Variants in PHF14 observed in about 807,000 individuals in gnomAD.
The protein encoded by PHF14 is PHD finger protein 14.
A neutral mutation model predicts 117.9 loss-of-function variants in PHF14; 55 were observed. The ratio of observed to expected loss-of-function variants is 0.47; its 90% CI spans 0.38 to 0.58. PHF14 has a LOEUF of 0.58. Ranked by LOEUF, PHF14 falls within the 20% of genes least tolerant of loss-of-function variation. PHF14 has a pLI of 0.00. For synonymous variants in PHF14, 409 were observed against 368.6 expected (o/e 1.11, Z -1.26); for missense variants, 978 against 1,122.2 (o/e 0.87, Z 1.84).
intron 17 of PHF14, among the ~76,000 whole-genome samples, chr7:11,116,221 C>A (rs1044628308): frequency 1.3e-5 from 2 of 151,968 alleles, no homozygotes; most frequent in African/African-American, 4.8e-5. Context: ...CAGGTACTTT[C>A]TTGCCGAAGG....
intron 10 of PHF14, among the ~76,000 whole-genome samples, chr7:11,037,649 G>T (rs1784357102): frequency 6.6e-6 from 1 of 152,062 alleles, no homozygotes; most frequent in Non-Finnish European, 1.5e-5. Context: ...AATGAGAAAA[G>T]ATTCAAAAAG....
At chr7:11,002,658 G>T (rs544922142) in intron 4 of PHF14, among the ~76,000 whole-genome samples, 2 of 151,938 alleles carry the variant, frequency 1.3e-5, no homozygotes, top group African/African-American at 4.8e-5. Context: ...GGTCAGGCTG[G>T]TCTTGAACTC....
chr7:11,094,338 TG>T (rs1562463236), intron 16 of PHF14, among the ~76,000 whole-genome samples: 2 of 152,200 alleles, frequency 1.3e-5, no homozygotes, highest in African/African-American at 4.8e-5. Flanking sequence ...CTAGAGTGTT[TG>T]GGGGTAGAAC....
intron 4 of PHF14, among the ~76,000 whole-genome samples, chr7:11,010,069 C>T (rs1783289559): frequency 1.3e-5 from 2 of 151,988 alleles, no homozygotes; most frequent in South Asian, 4.1e-4. Flanking sequence ...GCTTTATTCT[C>T]TTGGTAATTG....
intron 14 of PHF14, among the ~76,000 whole-genome samples, chr7:11,054,842 G>T (rs1380224819): frequency 6.6e-6 from 1 of 151,914 alleles, no homozygotes; most frequent in African/African-American, 2.4e-5. Flanking sequence ...CATTATTATA[G>T]TATTTTTATT....
chr7:11,105,009 T>A, intron 16 of PHF14: 10 of 899,108 alleles, frequency 1.1e-5, no homozygotes, highest in South Asian at 1.0e-4. Context: ...ACATACAATT[T>A]TTTTTAATTT....
chr7:11,106,239 G>A, intron 16 of PHF14: 1 of 975,978 alleles, frequency 1.0e-6, no homozygotes, highest in East Asian at 1.1e-4. Flanking sequence ...ATTTGGATTT[G>A]GATATTTTTC....
At chr7:11,011,132 T>G (rs1346386012) in intron 4 of PHF14, among the ~76,000 whole-genome samples, 1 of 152,250 alleles carries the variant, frequency 6.6e-6, no homozygotes, top group South Asian at 2.1e-4. Context: ...AGTGTTTTAA[T>G]GAAATACTTA....
At chr7:11,120,616 T>C (rs184076075) in intron 17 of PHF14, among the ~76,000 whole-genome samples, 30 of 152,210 alleles carry the variant, frequency 2.0e-4, no homozygotes, top group African/African-American at 7.0e-4. Context: ...ATGGCATTCA[T>C]GGCTCCCTAA....
intron 17 of PHF14, among the ~76,000 whole-genome samples, chr7:11,144,479 CAG>C (rs1788491564): frequency 6.6e-6 from 1 of 150,876 alleles, no homozygotes; most frequent in Non-Finnish European, 1.5e-5. Flanking sequence ...ATGTTTATTG[CAG>C]AGATACCTAC....
chr7:11,005,367 C>T (rs1235872236), intron 4 of PHF14, among the ~76,000 whole-genome samples: 1 of 152,074 alleles, frequency 6.6e-6, no homozygotes, highest in Admixed American at 6.6e-5. Context: ...TTACTGTGAG[C>T]TCATATGTTA....
chr7:11,134,181 G>T (rs190584522), intron 17 of PHF14, among the ~76,000 whole-genome samples: 1 of 151,844 alleles, frequency 6.6e-6, no homozygotes, highest in Non-Finnish European at 1.5e-5. Context: ...TTTACAGTAG[G>T]CTTGTAGAAT....
intron 17 of PHF14, among the ~76,000 whole-genome samples, chr7:11,149,853 T>G (rs1030631772): frequency 2.2e-4 from 34 of 152,212 alleles, no homozygotes; most frequent in African/African-American, 7.7e-4. Flanking sequence ...AAGGATAGTT[T>G]CACCTCTTTT....
intron 16 of PHF14, among the ~76,000 whole-genome samples, chr7:11,100,379 A>G (rs552776405): frequency 4.6e-5 from 7 of 152,062 alleles, no homozygotes; most frequent in East Asian, 1.9e-4. Flanking sequence ...TGACTCTACT[A>G]TCACATTCAG....
intron 3 of PHF14, among the ~76,000 whole-genome samples, chr7:10,985,110 T>TA (rs1344898532): frequency 2.0e-5 from 3 of 152,168 alleles, no homozygotes; most frequent in South Asian, 2.1e-4. Flanking sequence ...ACATTTTAAT[T>TA]AAAAAACTAA....
rs763363414 is a variant in PHF14 at position 10,982,992 on chromosome 7, G to A, written c.733G>A (p.Gly245Arg). The stretch of plus-strand genomic sequence containing the variant: ...TGAGGATGATGAAGATGAGGGAAGC[G>A]GGAGTGATGAAGACGAGAATGATGA... The part of the protein sequence containing the change: ...DNEDDEDEGS[G>R]SDEDENDEGN... The change falls in exon 3 of 18, where the codon GGG becomes AGG. Residue 245 changes from glycine to arginine, a missense_variant. Gly to Arg is a moderately radical substitution (Grantham distance 125, BLOSUM62 -2). This residue lies in a region of PHF14 where 414 missense variants were observed against 376.4 expected (regional missense o/e 1.10). Coordinates refer to ENST00000634607, the MANE Select transcript of PHF14 (RefSeq NM_001007157.2). 2.5e-6 allele frequency: 4 copies of A among 1,583,842 alleles called. No homozygotes were observed. Among genetic ancestry groups the A allele is most frequent in the East Asian group, 2.3e-5 (1 of 43,740 alleles).
intron 3 of PHF14, 77 bp from the exon 4 acceptor site, chr7:10,990,626 A>G: frequency 1.2e-6 from 1 of 849,848 alleles, no homozygotes; most frequent in African/African-American, 1.7e-5. Context: ...TGTTTAAGTA[A>G]TAAAGAATTT....
chr7:11,043,990 A>G (rs189853873), intron 13 of PHF14, among the ~76,000 whole-genome samples: 3 of 151,058 alleles, frequency 2.0e-5, no homozygotes, highest in East Asian at 1.9e-4. Flanking sequence ...TTCTGCAGCT[A>G]AAAAAAAACA....
intron 16 of PHF14, among the ~76,000 whole-genome samples, chr7:11,074,819 C>T (rs139093645): frequency 6.6e-6 from 1 of 152,170 alleles, no homozygotes; most frequent in Non-Finnish European, 1.5e-5. Flanking sequence ...AACCACTTAA[C>T]AATACTCTAA....
Sources: allele counts gnomAD v4.1 joint callset (sites outside exome capture counted in the v4.1 genomes callset), GRCh38; gene constraint gnomAD v4.1.1; regional missense constraint gnomAD v4.1.1; transcripts MANE v1.5; gene names NCBI Gene and HGNC (gene_info 2026-07-23, HGNC 2026-07-21).